ZNF521: variants seen among roughly 807,000 people sequenced by gnomAD.
ZNF521 encodes zinc finger protein 521.
ZNF521 carries 14 observed loss-of-function variants against 105.5 expected under a neutral mutation model. The observed-to-expected ratio is 0.13, with a 90% CI of 0.09 to 0.21. The LOEUF is 0.21. ZNF521 is among the 10% of genes least tolerant of loss of function. The pLI is 1.00. For missense variants in ZNF521, 1,233 were observed against 1,629.7 expected, an observed-to-expected ratio of 0.76 and a Z score of 4.19; for synonymous variants, 635 against 606.0, an observed-to-expected ratio of 1.05 and a Z score of -0.70.
intron 5 of ZNF521, among the ~76,000 whole-genome samples, chr18:25,125,479 G>A (rs2034521433): frequency 6.6e-6 from 1 of 151,980 alleles, no homozygotes; most frequent in Non-Finnish European, 1.5e-5. Flanking sequence ...AAATGAAACA[G>A]TAATTGGTAA....
chr18:25,088,909 A>G (rs2033684655), intron 7 of ZNF521, among the ~76,000 whole-genome samples: 1 of 152,218 alleles, frequency 6.6e-6, no homozygotes, highest in Admixed American at 6.5e-5. Context: ...TCACACATTA[A>G]TCAAGTGGAC....
In ZNF521 at chr18:25,226,067, A is replaced by C; in HGVS notation, c.1851T>G (p.Leu617=). ...CACCTCCTACTGCCTGCATCATCTT[A>C]AGAGATGTCTGCTCTATGGCCACAG... ...LSPVAIEQTS[L]KMMQAVGGAP... Residue 617 remains leucine (L), a synonymous_variant, in exon 4 of 8, where the codon CTT becomes CTG. Transcript: ENST00000361524. This position sits in a 1 kb window ranked among gnomAD's most constrained non-coding sequence, Gnocchi z 4.1. 3 of 1,614,174 alleles carry C rather than the reference A, an allele frequency of 1.9e-6. No homozygotes were observed. In the East Asian group the frequency reaches 6.7e-5, roughly 36 times the overall value.
chr18:25,212,526 A>AAAAAAAAAAG (rs2036202307), intron 4 of ZNF521, among the ~76,000 whole-genome samples: 7 of 112,228 alleles, frequency 6.2e-5, no homozygotes, highest in African/African-American at 2.9e-4. Context: ...AAAAAAAAAA[A>AAAAAAAAAAG]AAAAAAAAAA....
chr18:25,163,954 CA>C (rs2144532338), intron 5 of ZNF521, among the ~76,000 whole-genome samples: 1 of 152,236 alleles, frequency 6.6e-6, no homozygotes, highest in South Asian at 2.1e-4. Flanking sequence ...GTGAGAAAGA[CA>C]GGGGCAGAAG....
At chr18:25,325,099 C>T (rs974303512) in intron 2 of ZNF521, among the ~76,000 whole-genome samples, 2 of 152,264 alleles carry the variant, frequency 1.3e-5, no homozygotes, top group African/African-American at 2.4e-5. Flanking sequence ...GAAGCGGGTT[C>T]GATTATAGCC....
intron 5 of ZNF521, among the ~76,000 whole-genome samples, chr18:25,181,370 A>G (rs567812229): frequency 1.3e-5 from 2 of 152,298 alleles, no homozygotes; most frequent in South Asian, 4.1e-4. Flanking sequence ...CCTGGCCCAC[A>G]CAAACCATAA....
intron 7 of ZNF521, among the ~76,000 whole-genome samples, chr18:25,074,090 G>A (rs778965074): frequency 1.2e-4 from 19 of 152,168 alleles, no homozygotes; most frequent in Non-Finnish European, 2.1e-4. Flanking sequence ...GTGTGTGCAC[G>A]CGCACGGGAA....
chr18:25,301,412 C>T (rs957331738), intron 3 of ZNF521, among the ~76,000 whole-genome samples: 9 of 152,208 alleles, frequency 5.9e-5, no homozygotes, highest in Admixed American at 4.6e-4. Context: ...CACAAATATA[C>T]ACACCTATTA....
intron 5 of ZNF521, among the ~76,000 whole-genome samples, chr18:25,192,029 T>C (rs2035827197): frequency 6.6e-6 from 1 of 152,254 alleles, no homozygotes; most frequent in Non-Finnish European, 1.5e-5. Context: ...GGAAAAATTT[T>C]CTCATTGGCA....
intron 5 of ZNF521, among the ~76,000 whole-genome samples, chr18:25,171,100 CAT>C (rs1222946105): frequency 3.3e-5 from 5 of 151,998 alleles, no homozygotes; most frequent in African/African-American, 1.2e-4. Context: ...TAGACTGAAA[CAT>C]AAAATTTTTA....
rs200230075 is a variant in ZNF521 at position 25,352,016 on chromosome 18, T to C, written c.-13A>G. On this transcript the variant is annotated 5_prime_UTR_variant, in exon 1 of 8. Transcript: ENST00000361524. ...TCCTCATCACAAACCTGCAAGGTCT[T>C]GGACTGCGCTGTCGCTCCGGTAGTC... 5.6e-4 allele frequency: 263 copies of C among 468,344 alleles called. 1 individual carries two copies. Among genetic ancestry groups the C allele is most frequent in the Non-Finnish European group, 4.2e-4 (98 of 230,910 alleles). 29.0% of individuals were successfully genotyped at this position (468,344 alleles called of 1,614,324 possible). A position where few individuals can be genotyped will look rare whatever the true frequency, so the allele number is the denominator to read the frequency against.
intron 3 of ZNF521, among the ~76,000 whole-genome samples, chr18:25,295,757 A>AT (rs1479292728): frequency 1.3e-5 from 2 of 152,200 alleles, no homozygotes; most frequent in African/African-American, 4.8e-5. Flanking sequence ...CAATGCTGCT[A>AT]TGAATATACA....
rs1039045010 is a variant in ZNF521 at position 25,227,753 on chromosome 18, T to C, written c.221-56A>G. On this transcript the variant is annotated intron_variant, in intron 3 of 7. Coordinates refer to ENST00000361524, the MANE Select transcript of ZNF521 (RefSeq NM_015461.3). This position sits in a 1 kb window ranked among gnomAD's most constrained non-coding sequence, Gnocchi z 5.7. ...TGACATGTTGAGATTCAAGAGTGAG[T>C]TTACCGTAGCATTTCAACCAGCACG... 8.2e-6 allele frequency: 12 copies of C among 1,471,574 alleles called. No individual in the cohort carries two copies. Among genetic ancestry groups the C allele is most frequent in the African/African-American group, 2.8e-5 (2 of 71,670 alleles). 91.2% of individuals were successfully genotyped at this position (1,471,574 alleles called of 1,614,324 possible). A position where few individuals can be genotyped will look rare whatever the true frequency, so the allele number is the denominator to read the frequency against.
intron 2 of ZNF521, among the ~76,000 whole-genome samples, chr18:25,329,106 C>T (rs766758315): frequency 6.6e-6 from 1 of 152,184 alleles, no homozygotes; most frequent in African/African-American, 2.4e-5. Context: ...CCTGGAGATA[C>T]AACGTCTAAA....
chr18:25,087,796 G>C (rs546705618), intron 7 of ZNF521, among the ~76,000 whole-genome samples: 1 of 152,094 alleles, frequency 6.6e-6, no homozygotes, highest in Non-Finnish European at 1.5e-5. Flanking sequence ...TTTTAGAAGC[G>C]ATACAAGGTA....
At chr18:25,255,306 T>C (rs1908404164) in intron 3 of ZNF521, among the ~76,000 whole-genome samples, 1 of 152,124 alleles carries the variant, frequency 6.6e-6, no homozygotes, top group African/African-American at 2.4e-5. Context: ...TTGAGAATTT[T>C]AGTAGGTAAT....
intron 3 of ZNF521, among the ~76,000 whole-genome samples, chr18:25,301,394 A>G (rs1358979543): frequency 6.6e-6 from 1 of 152,228 alleles, no homozygotes; most frequent in Non-Finnish European, 1.5e-5. Context: ...AAAACATCTC[A>G]TGTGTCCCAC....
At chr18:25,223,763 A>G (rs182229487) in intron 4 of ZNF521, among the ~76,000 whole-genome samples, 23 of 152,164 alleles carry the variant, frequency 1.5e-4, no homozygotes, top group Admixed American at 1.1e-3. Flanking sequence ...GTGTCTTTAA[A>G]CAGAATAATG....
chr18:25,140,771 C>T (rs1258976845), intron 5 of ZNF521, among the ~76,000 whole-genome samples: 3 of 152,116 alleles, frequency 2.0e-5, no homozygotes, highest in Non-Finnish European at 4.4e-5. Flanking sequence ...CTGTTACATT[C>T]CTGAAGATTT....
Sources: gnomAD v4.1 joint callset for allele counts (sites outside exome capture counted in the v4.1 genomes callset) on GRCh38, gnomAD v4.1.1 for gene constraint, Gnocchi (gnomAD v3.1) non-coding constraint, MANE v1.5 for transcripts, NCBI Gene and HGNC (gene_info 2026-07-23, HGNC 2026-07-21) for gene names.